Variants in HDAC1 observed in about 807,000 individuals in gnomAD.
The protein encoded by HDAC1 is protein deacetylase HDAC1.
Under a neutral mutation model 65.5 loss-of-function variants are expected in HDAC1, and 18 were observed. The ratio of observed to expected loss-of-function variants is 0.27; its 90% CI spans 0.19 to 0.41. The LOEUF (loss-of-function observed/expected upper bound fraction) is 0.41. HDAC1 is among the 10% of genes least tolerant of loss of function. The pLI is 1.00. For synonymous variants in HDAC1, 211 were observed against 227.9 expected (o/e 0.93, Z 0.67); for missense variants, 373 against 625.2 (o/e 0.60, Z 4.30).
intron 13 of HDAC1, 55 bp from the exon 14 acceptor site, chr1:32,332,962 T>C (rs1641317688): frequency 4.4e-6 from 7 of 1,585,328 alleles, no homozygotes; most frequent in Admixed American, 3.4e-5. Flanking sequence ...GTCTGCACTT[T>C]TGCCCTGAGG....
intron 1 of HDAC1, among the ~76,000 whole-genome samples, chr1:32,294,424 G>A (rs559477903): frequency 2.6e-5 from 4 of 151,976 alleles, no homozygotes; most frequent in African/African-American, 9.7e-5. Flanking sequence ...GGGATTATAG[G>A]CATGAGCCAC....
intron 6 of HDAC1, among the ~76,000 whole-genome samples, chr1:32,328,668 G>A (rs1641251513): frequency 6.6e-6 from 1 of 152,196 alleles, no homozygotes; most frequent in South Asian, 2.1e-4. Context: ...CAACACCCTA[G>A]AGAGGGAGCA....
chr1:32,301,586 A>G (rs1181170384), intron 1 of HDAC1, among the ~76,000 whole-genome samples: 1 of 152,140 alleles, frequency 6.6e-6, no homozygotes, highest in African/African-American at 2.4e-5. Context: ...CCTGACCAAC[A>G]AGGTGAAACC....
At chr1:32,318,016 A>G (rs755846945) in intron 3 of HDAC1, among the ~76,000 whole-genome samples, 3 of 151,996 alleles carry the variant, frequency 2.0e-5, no homozygotes, top group East Asian at 1.9e-4. Context: ...CTGGAGTGCA[A>G]TGGGGCGATC....
At chr1:32,311,324 C>T (rs1049487390) in intron 2 of HDAC1, among the ~76,000 whole-genome samples, 26 of 152,072 alleles carry the variant, frequency 1.7e-4, no homozygotes, top group Admixed American at 7.9e-4. Flanking sequence ...AAAAATTAGC[C>T]GGGCGTGGTC....
At chr1:32,297,872 C>T (rs1328535891) in intron 1 of HDAC1, among the ~76,000 whole-genome samples, 2 of 148,938 alleles carry the variant, frequency 1.3e-5, no homozygotes, top group African/African-American at 2.5e-5. Flanking sequence ...TCACTGCAAC[C>T]TCCACCTCCC....
Position 32,331,485 on chromosome 1 carries a change from A to G in HDAC1, c.991A>G (p.Asn331Asp). ...CCTGCCCCAATCAGAGCTTCCATAC[A>G]ATGACTACTTTGAATACTTTGGACC... is the stretch of plus-strand genomic sequence containing the variant. ...DTEIPNELPYNDYFEYFGPDF... is the reference protein window; with the variant it reads ...DTEIPNELPYDDYFEYFGPDF... Residue 331 changes from asparagine (N) to aspartate (D), a missense_variant, in exon 10 of 14, where the codon AAT becomes GAT. This residue lies in a region of HDAC1 where 105 missense variants were observed against 192.6 expected (regional missense o/e 0.55). Transcript: ENST00000373548. This position sits in a 1 kb window ranked among gnomAD's most constrained non-coding sequence, Gnocchi z 4.2. 1 of 1,604,220 alleles carries G rather than the reference A, an allele frequency of 6.2e-7. No homozygotes were observed. Among genetic ancestry groups the G allele is most frequent in the Non-Finnish European group, 8.5e-7 (1 of 1,171,038 alleles).
intron 4 of HDAC1, 27 bp downstream of exon 4, chr1:32,324,580 G>T: frequency 6.9e-7 from 1 of 1,451,054 alleles, no homozygotes; most frequent in South Asian, 1.1e-5. Flanking sequence ...TTCTCCCCAG[G>T]GGTAGACTGG....
intron 12 of HDAC1, 32 bp downstream of exon 12, chr1:32,332,274 C>G (rs768823802): frequency 3.8e-6 from 6 of 1,591,862 alleles, no homozygotes; most frequent in East Asian, 4.5e-5. Flanking sequence ...ACTTGGGTCT[C>G]GAGCCTGAGA....
chr1:32,310,912 CAAAG>C (rs890076753), intron 2 of HDAC1, among the ~76,000 whole-genome samples: 18 of 127,088 alleles, frequency 1.4e-4, no homozygotes, highest in East Asian at 2.2e-4. Flanking sequence ...GAGAGAAAGA[CAAAG>C]AAGGAAGGAA....
At position 32,331,559 on chromosome 1, in the gene HDAC1, G is replaced by A. The variant is rs141065834; in HGVS notation, c.1065G>A (p.Thr355=). The change falls in exon 10 of 14, where the codon ACG becomes ACA. Residue 355 remains threonine, a synonymous_variant. Coordinates refer to ENST00000373548, the MANE Select transcript of HDAC1 (RefSeq NM_004964.3). This position sits in a 1 kb window ranked among gnomAD's most constrained non-coding sequence, Gnocchi z 4.2. The part of the protein sequence containing the change: ...ISPSNMTNQN[T]NEYLEKIKQR... ...CTTCCAATATGACTAACCAGAACAC[G>A]AATGAGTACCTGGAGAAGATCAAGT... 70 of 1,609,956 alleles carry A rather than the reference G, an allele frequency of 4.3e-5. 1 individual carries two copies. In the African/African-American group the frequency reaches 4.5e-4, roughly 10 times the overall value.
intron 2 of HDAC1, among the ~76,000 whole-genome samples, chr1:32,306,610 G>A (rs150393898): frequency 1.2e-3 from 187 of 152,080 alleles, no homozygotes; most frequent in Non-Finnish European, 1.3e-3. Flanking sequence ...ATTTAATTAC[G>A]ATTTTGATAT....
rs1452201319 is a variant in HDAC1, at chr1:32,331,255, T to G, written c.980-219T>G. On this transcript the variant is annotated intron_variant, in intron 9 of 13. Transcript: ENST00000373548. This position sits in a 1 kb window ranked among gnomAD's most constrained non-coding sequence, Gnocchi z 4.2. The stretch of plus-strand genomic sequence containing the variant: ...TCCTAAACCAGGGACATGGGCCTTC[T>G]CCTAGCGACATATACACCACTGGTA... Among the ~76,000 whole-genome samples, 2 of 152,168 alleles carry G rather than the reference T, an allele frequency of 1.3e-5. No individual in the cohort carries two copies. The highest frequency in any genetic ancestry group is 2.9e-5 in the Non-Finnish European group (2 of 68,036).
chr1:32,321,482 C>G (rs189825583), intron 3 of HDAC1, among the ~76,000 whole-genome samples: 1 of 151,164 alleles, frequency 6.6e-6, no homozygotes, highest in Middle Eastern at 3.4e-3. Flanking sequence ...TCTCTGCCTA[C>G]GTCTGCTTCC....
intron 2 of HDAC1, among the ~76,000 whole-genome samples, chr1:32,315,364 T>G (rs1641046055): frequency 6.6e-6 from 1 of 151,756 alleles, no homozygotes; most frequent in Admixed American, 6.6e-5. Context: ...TTTAATTTAT[T>G]TTTTTGAGAG....
At position 32,330,628 on chromosome 1, in the gene HDAC1, G is replaced by A; in HGVS notation, c.780G>A (p.Gln260=). 6.2e-7 allele frequency: 1 copy of A among 1,614,052 alleles called. No individual in the cohort carries two copies. The highest frequency in any genetic ancestry group is 1.3e-5 in the African/African-American group (1 of 74,992). ...EMFQPSAVVL[Q]CGSDSLSGDR... ...TCCAGCCTAGTGCGGTGGTCTTACAGTGTGGCTCAGACTCCCTATCTGGGG... is the reference window on the plus strand; with the variant it reads ...TCCAGCCTAGTGCGGTGGTCTTACAATGTGGCTCAGACTCCCTATCTGGGG... Residue 260 remains glutamine, a synonymous_variant, in exon 8 of 14, where the codon CAG becomes CAA. Coordinates refer to ENST00000373548, the MANE Select transcript of HDAC1 (RefSeq NM_004964.3). The surrounding 1 kb of genome is among the most constrained non-coding windows in gnomAD (Gnocchi z 4.2).
chr1:32,329,487 T>C lies in HDAC1; in HGVS notation c.729+327T>C. On this transcript the variant is annotated intron_variant, in intron 7 of 13. Coordinates refer to ENST00000373548, the MANE Select transcript of HDAC1 (RefSeq NM_004964.3). The surrounding 1 kb of genome is among the most constrained non-coding windows in gnomAD (Gnocchi z 4.1). ...TTGTATCTCCATTTCTTTGGGCTGC[T>C]GGGAGATTATTGTGTTCTTTTGGTA... The C allele has an allele frequency of 2.4e-6, 1 of 417,966 alleles. No individual in the cohort carries two copies. 25.9% of individuals were successfully genotyped at this position (417,966 alleles called of 1,614,324 possible). A position where few individuals can be genotyped will look rare whatever the true frequency, so the allele number is the denominator to read the frequency against.
chr1:32,320,604 A>T (rs895336862), intron 3 of HDAC1, among the ~76,000 whole-genome samples: 1 of 152,084 alleles, frequency 6.6e-6, no homozygotes, highest in African/African-American at 2.4e-5. Context: ...TATATAAAAT[A>T]TTTTAGATAC....
intron 1 of HDAC1, among the ~76,000 whole-genome samples, chr1:32,298,711 A>G (rs1640806059): frequency 6.6e-6 from 1 of 152,102 alleles, no homozygotes; most frequent in South Asian, 2.1e-4. Flanking sequence ...TAAGAGTTTA[A>G]AGTATGGCTG....
Sources: gnomAD v4.1 joint callset for allele counts (sites outside exome capture counted in the v4.1 genomes callset) on GRCh38, gnomAD v4.1.1 for gene constraint, gnomAD v4.1.1 regional missense constraint, Gnocchi (gnomAD v3.1) non-coding constraint, MANE v1.5 for transcripts, NCBI Gene and HGNC (gene_info 2026-07-23, HGNC 2026-07-21) for gene names.